The following TRPV5 variants were observed in gnomAD, a reference collection of about 807,000 sequenced individuals.
TRPV5 encodes transient receptor potential cation channel subfamily V member 5, also known as calcium transport protein 2.
In TRPV5, 66 loss-of-function variants were observed where a neutral mutation model predicts 74.1. The ratio of observed to expected loss-of-function variants is 0.89; its 90% CI spans 0.73 to 1.09. TRPV5 has a LOEUF of 1.09. Ranked by LOEUF, TRPV5 falls within the 50% of genes least tolerant of loss-of-function variation. The pLI is 0.00. For missense variants in TRPV5, 936 were observed against 930.4 expected (o/e 1.01, Z -0.08); for synonymous variants, 399 against 360.7 (o/e 1.11, Z -1.20).
chr7:142,914,433 CG>C (rs1418471433), intron 12 of TRPV5, among the ~76,000 whole-genome samples: 3 of 152,106 alleles, frequency 2.0e-5, no homozygotes, highest in African/African-American at 7.2e-5. Flanking sequence ...CATGGCTTTA[CG>C]TTCCAGGCCA....
intron 8 of TRPV5, 89 bp downstream of exon 8, chr7:142,925,440 G>T: frequency 7.2e-7 from 1 of 1,391,154 alleles, no homozygotes; most frequent in Non-Finnish European, 1.0e-6. Context: ...AACCCAGAGC[G>T]TGGCATCGTC....
At position 142,929,407 on chromosome 7, in the gene TRPV5, C is replaced by T. The variant is rs939999411; in HGVS notation, c.487+21G>A. On this transcript the variant is annotated intron_variant, in intron 4 of 14. Coordinates refer to ENST00000265310, the MANE Select transcript of TRPV5 (RefSeq NM_019841.7). ...CCCGCCTCTCCAGCCAACCATCCTT[C>T]AAGCCCAACCCTGCTCTCACCAAAG... is the stretch of plus-strand genomic sequence containing the variant. The T allele has an allele frequency of 2.5e-6, 4 of 1,607,960 alleles. No homozygotes were observed. The African/African-American group carries it at 5.3e-5, about 21-fold the overall frequency.
chr7:142,911,567 C>A (rs1035224782), intron 13 of TRPV5, among the ~76,000 whole-genome samples: 1 of 152,246 alleles, frequency 6.6e-6, no homozygotes, highest in Non-Finnish European at 1.5e-5. Flanking sequence ...TAGCACCTTA[C>A]ATTCTCTATA....
At chr7:142,927,364 T>A (rs1220345205) in intron 7 of TRPV5, among the ~76,000 whole-genome samples, 1 of 152,236 alleles carries the variant, frequency 6.6e-6, no homozygotes, top group Non-Finnish European at 1.5e-5. Context: ...TACTGTTTGT[T>A]TCTTGTGCAG....
chr7:142,929,239 A>C, intron 4 of TRPV5, 119 bp from the exon 5 acceptor site: 1 of 1,476,682 alleles, frequency 6.8e-7, no homozygotes. Context: ...GCTGAGGGAC[A>C]CTCGTCCAGC....
chr7:142,914,734 G>A (rs1586216043), intron 11 of TRPV5, 28 bp from the exon 12 acceptor site: 3 of 1,611,496 alleles, frequency 1.9e-6, no homozygotes, highest in East Asian at 2.2e-5. Context: ...AAGAAAGGGT[G>A]GGATGATTCC....
At chr7:142,926,071 C>T (rs1046561354) in intron 7 of TRPV5, among the ~76,000 whole-genome samples, 5 of 152,090 alleles carry the variant, frequency 3.3e-5, no homozygotes, top group African/African-American at 1.2e-4. Flanking sequence ...AGCCATTGCC[C>T]ATTTGCAGTT....
At chr7:142,913,755 A>C (rs147917622) in intron 12 of TRPV5, among the ~76,000 whole-genome samples, 53 of 152,334 alleles carry the variant, frequency 3.5e-4, no homozygotes, top group African/African-American at 1.2e-3. Context: ...TGAGGACAGT[A>C]ATAGAGTCCT....
In TRPV5 at chr7:142,925,610, G is replaced by A. The variant is rs55754004; in HGVS notation, c.1041C>T (p.Cys347=). 160 of 1,614,188 alleles carry A rather than the reference G, an allele frequency of 9.9e-5. 1 individual carries two copies. The highest frequency in any genetic ancestry group is 4.0e-4 in the Admixed American group (24 of 60,028). Residue 347 remains cysteine (C), a synonymous_variant, in exon 8 of 15, where the codon TGC becomes TGT. Transcript: ENST00000265310. The stretch of plus-strand genomic sequence containing the variant: ...CACGAAACTTAAGGGGGCGGTAGAC[G>A]CAGCACGTAGTAAAGCAGATCATGT... The part of the protein sequence containing the change: ...LLYMICFTTC[C]VYRPLKFRGG...
intron 8 of TRPV5, 106 bp from the exon 9 acceptor site, chr7:142,915,674 C>T (rs1314649123): frequency 6.5e-6 from 7 of 1,083,162 alleles, no homozygotes; most frequent in Non-Finnish European, 9.3e-6. Flanking sequence ...AGGAAACTCC[C>T]CTTCCCACCA....
chr7:142,919,917 C>G (rs532122919), intron 8 of TRPV5, among the ~76,000 whole-genome samples: 43 of 152,328 alleles, frequency 2.8e-4, no homozygotes, highest in African/African-American at 9.6e-4. Context: ...TTTTTCCCCC[C>G]CATGATCCCA....
At position 142,908,606 on chromosome 7, in the gene TRPV5, C is replaced by A. The variant is rs1795650028; in HGVS notation, c.2098G>T (p.Gly700Cys). The A allele has an allele frequency of 4.3e-6, 7 of 1,614,232 alleles. No homozygotes were observed. In the East Asian group the frequency reaches 1.6e-4, roughly 36 times the overall value. ...RTASQSSSHR[G>C]WEILRQNTLG... ...GTGTTTTGACGAAGGATCTCCCAGC[C>A]TCGGTGACTGCTGCTCTGGGACGCG... is the stretch of plus-strand genomic sequence containing the variant. The change falls in exon 15 of 15, where the codon GGC becomes TGC. Residue 700 changes from glycine to cysteine, a missense_variant. Gly to Cys is a radical substitution (Grantham distance 159). Transcript: ENST00000265310.
Position 142,915,550 on chromosome 7 carries a change from C to A in TRPV5, c.1141G>T (p.Glu381Ter). The A allele has an allele frequency of 6.2e-7, 1 of 1,614,146 alleles. No homozygotes were observed. Among genetic ancestry groups the A allele is most frequent in the Non-Finnish European group, 8.5e-7 (1 of 1,180,022 alleles). ...TCCCCCACCAGCCTGATGATATCTT[C>A]ACGTGTCTCATAGGCCTCCTATGTG... ...KLLQEAYETR[E>*]DIIRLVGELV... Residue 381 changes from glutamate (E) to a stop codon, truncating the protein, a stop_gained, in exon 9 of 15, where the codon GAA becomes TAA. Transcript: ENST00000265310. LOFTEE classifies it high-confidence loss of function.
chr7:142,925,605 T>A lies in TRPV5; in HGVS notation c.1046A>T (p.Tyr349Phe). Residue 349 changes from tyrosine (Y) to phenylalanine (F), a missense_variant, in exon 8 of 15, where the codon TAC becomes TTC. Coordinates refer to ENST00000265310, the MANE Select transcript of TRPV5 (RefSeq NM_019841.7). ...GCCACCACGAAACTTAAGGGGGCGG[T>A]AGACGCAGCACGTAGTAAAGCAGAT... Reference protein sequence around the residue: ...YMICFTTCCVYRPLKFRGGNR... With the variant: ...YMICFTTCCVFRPLKFRGGNR... 6.2e-7 allele frequency: 1 copy of A among 1,614,124 alleles called. No homozygotes were observed.
intron 8 of TRPV5, among the ~76,000 whole-genome samples, chr7:142,918,839 A>C (rs941483172): frequency 6.6e-6 from 1 of 152,196 alleles, no homozygotes; most frequent in Non-Finnish European, 1.5e-5. Flanking sequence ...AGCACGATGT[A>C]CGTCATTTTC....
chr7:142,910,045 C>T (rs2116572242), intron 13 of TRPV5, among the ~76,000 whole-genome samples: 1 of 152,304 alleles, frequency 6.6e-6, no homozygotes, highest in East Asian at 1.9e-4. Flanking sequence ...TGATTAATGA[C>T]TGCAAGTTGG....
At chr7:142,915,609 G>C in intron 8 of TRPV5, 41 bp from the exon 9 acceptor site, 7 of 1,595,898 alleles carry the variant, frequency 4.4e-6, no homozygotes, top group Non-Finnish European at 6.0e-6. Flanking sequence ...CTGATGGGCA[G>C]AGTCAAATCC....
chr7:142,928,442 G>C (rs1264685316), intron 6 of TRPV5, among the ~76,000 whole-genome samples: 1 of 152,210 alleles, frequency 6.6e-6, no homozygotes, highest in African/African-American at 2.4e-5. Flanking sequence ...ATAGGCAAAG[G>C]AAGCTAGAGC....
intron 14 of TRPV5, 39 bp downstream of exon 14, chr7:142,909,451 T>A (rs1795670505): frequency 6.2e-7 from 1 of 1,608,034 alleles, no homozygotes; most frequent in Non-Finnish European, 8.5e-7. Context: ...CGTGGCCTTA[T>A]ACACATCTGC....
Sources: allele counts gnomAD v4.1 joint callset (sites outside exome capture counted in the v4.1 genomes callset), GRCh38; gene constraint gnomAD v4.1.1; transcripts MANE v1.5; gene names NCBI Gene and HGNC (gene_info 2026-07-23, HGNC 2026-07-21).